TAFA1: variants seen among roughly 807,000 people sequenced by gnomAD.
TAFA1 encodes chemokine-like protein TAFA-1.
In TAFA1, 4 loss-of-function variants were observed where a neutral mutation model predicts 18.5. The ratio of observed to expected loss-of-function variants is 0.22; its 90% CI spans 0.11 to 0.49. The LOEUF (loss-of-function observed/expected upper bound fraction) is 0.49, where lower values mean the gene tolerates loss of function less well. Ranked by LOEUF, TAFA1 falls within the 20% of genes least tolerant of loss-of-function variation. The probability of loss-of-function intolerance (pLI) is 0.98; values close to 1 mark genes in which losing one functional copy is unlikely to be tolerated. For missense variants in TAFA1, 147 were observed against 169.0 expected (o/e 0.87, Z 0.72); for synonymous variants, 56 against 55.2 (o/e 1.01, Z -0.06).
chr3:68,028,892 T>C (rs1704874384), intron 2 of TAFA1, among the ~76,000 whole-genome samples: 1 of 152,136 alleles, frequency 6.6e-6, no homozygotes, highest in Non-Finnish European at 1.5e-5. Flanking sequence ...TAGCTGAGAC[T>C]ACAAGCTCAT....
At chr3:68,437,540 C>G (rs2071285797) in intron 3 of TAFA1, among the ~76,000 whole-genome samples, 1 of 152,136 alleles carries the variant, frequency 6.6e-6, no homozygotes, top group Non-Finnish European at 1.5e-5. Context: ...CAAGGCAACA[C>G]AGGGCATAAC....
At chr3:68,085,201 G>A (rs1258323327) in intron 2 of TAFA1, among the ~76,000 whole-genome samples, 3 of 152,078 alleles carry the variant, frequency 2.0e-5, no homozygotes, top group African/African-American at 7.2e-5. Context: ...ATAGATAGTG[G>A]ATAATAAGTC....
intron 2 of TAFA1, among the ~76,000 whole-genome samples, chr3:68,111,870 T>C (rs1275752765): frequency 6.6e-6 from 1 of 152,062 alleles, no homozygotes; most frequent in African/African-American, 2.4e-5. Context: ...TAGTAGATTG[T>C]TTACAAATAC....
intron 2 of TAFA1, among the ~76,000 whole-genome samples, chr3:68,334,504 G>C (rs1436011073): frequency 6.6e-5 from 10 of 152,134 alleles, no homozygotes; most frequent in Admixed American, 5.9e-4. Context: ...GTATAAGTCA[G>C]GATAGACTCT....
At chr3:68,538,982 G>T (rs1198817171) in intron 4 of TAFA1, 102 bp downstream of exon 4, 7 of 1,201,116 alleles carry the variant, frequency 5.8e-6, no homozygotes, top group Non-Finnish European at 8.2e-6. Flanking sequence ...CAGGAGAGAA[G>T]ATTCTCCACT....
intron 2 of TAFA1, among the ~76,000 whole-genome samples, chr3:68,026,497 G>T (rs2106809198): frequency 6.6e-6 from 1 of 152,172 alleles, no homozygotes; most frequent in African/African-American, 2.4e-5. Flanking sequence ...CAAAACTAAT[G>T]GAGCCTTTAT....
Position 68,498,165 on chromosome 3 carries a change from C to T in TAFA1, c.260-40591C>T, listed in dbSNP as rs567911939. Among the ~76,000 whole-genome samples, 423 of 152,284 alleles carry T rather than the reference C, an allele frequency of 2.8e-3. 1 individual carries two copies. The highest frequency in any genetic ancestry group is 0.014 in the Middle Eastern group (4 of 294). Reference sequence around the variant, plus strand: ...GTTGTATAACCTTTTGCTTCTTTTTCCTCATCTGTCAAATGGGCATAAGGA... The same window carrying T: ...GTTGTATAACCTTTTGCTTCTTTTTTCTCATCTGTCAAATGGGCATAAGGA... On this transcript the variant is annotated intron_variant, in intron 3 of 4. Transcript: ENST00000478136.
intron 2 of TAFA1, among the ~76,000 whole-genome samples, chr3:68,205,139 T>C (rs2066511181): frequency 6.6e-6 from 1 of 151,846 alleles, no homozygotes; most frequent in Non-Finnish European, 1.5e-5. Context: ...TGTCTTTTAA[T>C]GTATTCTATA....
chr3:68,176,236 C>T (rs1307213424), intron 2 of TAFA1, among the ~76,000 whole-genome samples: 1 of 152,152 alleles, frequency 6.6e-6, no homozygotes, highest in East Asian at 1.9e-4. Context: ...AATTCCAGCA[C>T]ATTGGGAGGT....
intron 2 of TAFA1, among the ~76,000 whole-genome samples, chr3:68,062,289 G>C (rs1433656181): frequency 6.6e-6 from 1 of 152,144 alleles, no homozygotes. Flanking sequence ...TTTGTTAAGG[G>C]AGACTTCTGC....
the TAFA1 span, among the ~76,000 whole-genome samples, chr3:67,997,297 C>A: frequency 6.6e-6 from 1 of 152,116 alleles, no homozygotes; most frequent in African/African-American, 2.4e-5. Context: ...CACTGATATG[C>A]ATCTAGCAAT....
intron 2 of TAFA1, among the ~76,000 whole-genome samples, chr3:68,170,399 T>A (rs2066037788): frequency 6.6e-6 from 1 of 152,184 alleles, no homozygotes; most frequent in East Asian, 1.9e-4. Flanking sequence ...ATCCCCAGGG[T>A]GTTTGTCAAA....
chr3:68,023,075 T>TG (rs1389382971), intron 2 of TAFA1, among the ~76,000 whole-genome samples: 1 of 151,476 alleles, frequency 6.6e-6, no homozygotes, highest in Non-Finnish European at 1.5e-5. Flanking sequence ...GTATTTGAAC[T>TG]GGGGTAACCT....
intron 2 of TAFA1, among the ~76,000 whole-genome samples, chr3:68,366,978 A>G (rs573215763): frequency 6.6e-6 from 1 of 152,336 alleles, no homozygotes; most frequent in South Asian, 2.1e-4. Context: ...GGTCTCCAGA[A>G]CTGACTGTCC....
At chr3:68,479,577 A>C (rs1028346988) in intron 3 of TAFA1, among the ~76,000 whole-genome samples, 3 of 152,124 alleles carry the variant, frequency 2.0e-5, no homozygotes, top group Admixed American at 1.3e-4. Context: ...TATTAAAGCA[A>C]TGCTGGGATA....
chr3:68,021,432 T>C (rs1868184), intron 2 of TAFA1, among the ~76,000 whole-genome samples: 31,507 of 151,496 alleles, frequency 0.21, 3,814 homozygotes, highest in Non-Finnish European at 0.28. Flanking sequence ...TCTTGGGATG[T>C]TTTTTTCTTT....
intron 2 of TAFA1, among the ~76,000 whole-genome samples, chr3:68,276,378 C>A (rs1271048875): frequency 6.6e-6 from 1 of 152,138 alleles, no homozygotes; most frequent in Non-Finnish European, 1.5e-5. Context: ...TCCCCTCTTG[C>A]GACAACCCAA....
chr3:68,191,778 A>G (rs1019125386), intron 2 of TAFA1, among the ~76,000 whole-genome samples: 1 of 151,850 alleles, frequency 6.6e-6, no homozygotes, highest in African/African-American at 2.4e-5. Flanking sequence ...ATACAAGCCC[A>G]TAAGCCACAT....
chr3:68,080,090 T>A (rs1321742328), intron 2 of TAFA1, among the ~76,000 whole-genome samples: 2 of 152,180 alleles, frequency 1.3e-5, no homozygotes, highest in Non-Finnish European at 2.9e-5. Flanking sequence ...TCTCTTTTGA[T>A]CTTTGTTGGT....
Sources: gnomAD v4.1 joint callset for allele counts (sites outside exome capture counted in the v4.1 genomes callset) on GRCh38, gnomAD v4.1.1 for gene constraint, MANE v1.5 for transcripts, NCBI Gene and HGNC (gene_info 2026-07-23, HGNC 2026-07-21) for gene names.